The following ZNF638 variants were observed in gnomAD, a reference collection of about 807,000 sequenced individuals.
ZNF638 encodes CTCL tumor antigen se33-1.
ZNF638 carries 46 observed loss-of-function variants against 195.6 expected under a neutral mutation model. The ratio of observed to expected loss-of-function variants is 0.24; its 90% CI spans 0.19 to 0.30. The LOEUF (loss-of-function observed/expected upper bound fraction) is 0.30, where lower values mean the gene tolerates loss of function less well. ZNF638 is among the 10% of genes least tolerant of loss of function. The pLI is 1.00. For synonymous variants in ZNF638, 845 were observed against 772.0 expected (o/e 1.09, Z -1.57); for missense variants, 2,440 against 2,325.3 (o/e 1.05, Z -1.01).
intron 21 of ZNF638, among the ~76,000 whole-genome samples, chr2:71,419,966 C>CT (rs1220510132): frequency 6.7e-5 from 4 of 59,546 alleles, no homozygotes; most frequent in South Asian, 6.1e-4. Context: ...ATTCCCACCC[C>CT]CCCCCGCCTT....
At position 71,349,748 on chromosome 2, in the gene ZNF638, T is replaced by C; in HGVS notation, c.794T>C (p.Val265Ala). 6.2e-7 allele frequency: 1 copy of C among 1,614,220 alleles called. No homozygotes were observed. The highest frequency in any genetic ancestry group is 1.1e-5 in the South Asian group (1 of 91,086). The change falls in exon 2 of 28, where the codon GTT (valine) becomes GCT (alanine). Residue 265 changes from valine (V) to alanine (A), a missense_variant. Transcript: ENST00000264447. ...GTGATATGTAATTCTATGTTTCCTGTTGAAGACGTATTTCGCCAAATGGAC... is the reference window on the plus strand; with the variant it reads ...GTGATATGTAATTCTATGTTTCCTGCTGAAGACGTATTTCGCCAAATGGAC... ...PNVICNSMFP[V>A]EDVFRQMDFP... is the part of the protein sequence containing the mutation.
At chr2:71,408,839 A>G in intron 20 of ZNF638, 1 of 286,068 alleles carries the variant, frequency 3.5e-6, no homozygotes, top group East Asian at 1.2e-4. Flanking sequence ...AAAATCTTGC[A>G]CTATCTAAAG....
At position 71,396,259 on chromosome 2, in the gene ZNF638, A is replaced by G. The variant is rs1325725041; in HGVS notation, c.2428+68A>G. Reference sequence around the variant, plus strand: ...TTAATGTATTTTAAAATCGTATGGCAGTAGTAGTCTTGGATTTCACATGAC... The same window carrying G: ...TTAATGTATTTTAAAATCGTATGGCGGTAGTAGTCTTGGATTTCACATGAC... On this transcript the variant is annotated intron_variant, in intron 11 of 27. Transcript: ENST00000264447. 3.1e-6 allele frequency: 4 copies of G among 1,307,090 alleles called. No homozygotes were observed. The African/African-American group carries it at 5.9e-5, about 19-fold the overall frequency. 81.0% of individuals were successfully genotyped at this position (1,307,090 alleles called of 1,614,324 possible).
intron 8 of ZNF638, among the ~76,000 whole-genome samples, chr2:71,378,102 C>T (rs750363246): frequency 9.2e-5 from 14 of 151,970 alleles, no homozygotes; most frequent in Admixed American, 3.3e-4. Context: ...AAAATGTTGG[C>T]GGTGAACAAT....
At chr2:71,402,192 A>G in intron 16 of ZNF638, 105 bp downstream of exon 16, 4 of 1,220,020 alleles carry the variant, frequency 3.3e-6, no homozygotes, top group Non-Finnish European at 4.5e-6. Flanking sequence ...CAGTATCTCA[A>G]AGTAAACTTT....
At chr2:71,370,606 G>T (rs1204999676) in intron 8 of ZNF638, among the ~76,000 whole-genome samples, 1 of 152,102 alleles carries the variant, frequency 6.6e-6, no homozygotes, top group East Asian at 1.9e-4. Flanking sequence ...TATCTCACCT[G>T]TAAGGTTTTC....
chr2:71,369,269 C>A (rs545157279), intron 7 of ZNF638, among the ~76,000 whole-genome samples: 1 of 146,288 alleles, frequency 6.8e-6, no homozygotes, highest in South Asian at 2.1e-4. Flanking sequence ...GTTGCAGTGA[C>A]TAGAGATGGC....
chr2:71,395,617 C>G (rs1294935448), intron 10 of ZNF638: 1 of 566,828 alleles, frequency 1.8e-6, no homozygotes, highest in African/African-American at 1.9e-5. Context: ...GTGACAATTA[C>G]CTACAGATTG....
At chr2:71,333,832 G>A (rs1186059524) in intron 1 of ZNF638, among the ~76,000 whole-genome samples, 3 of 152,206 alleles carry the variant, frequency 2.0e-5, no homozygotes, top group Non-Finnish European at 4.4e-5. Context: ...AAGTGAGACA[G>A]TGTATGGAAA....
At chr2:71,357,433 G>T (rs1185831391) in intron 3 of ZNF638, among the ~76,000 whole-genome samples, 1 of 152,100 alleles carries the variant, frequency 6.6e-6, no homozygotes, top group Non-Finnish European at 1.5e-5. Flanking sequence ...AATTAGATAC[G>T]CCTTACTGCC....
chr2:71,432,790 T>C (rs57967760), intron 26 of ZNF638, among the ~76,000 whole-genome samples: 5,200 of 152,296 alleles, frequency 0.034, 171 homozygotes, highest in African/African-American at 0.089. Flanking sequence ...ATTTTTGTCG[T>C]GTTTAAATTG....
chr2:71,377,243 A>T (rs2079447665), intron 8 of ZNF638, among the ~76,000 whole-genome samples: 1 of 152,034 alleles, frequency 6.6e-6, no homozygotes, highest in African/African-American at 2.4e-5. Context: ...AACAAAAGGG[A>T]GCTGGGGGAT....
Position 71,411,474 on chromosome 2 carries a change from A to ATT in ZNF638, c.3261+3239_3261+3240dup, listed in dbSNP as rs537942317. Among the ~76,000 whole-genome samples, 562 of 122,730 alleles carry ATT rather than the reference A, an allele frequency of 4.6e-3. 5 individuals carry two copies. Among genetic ancestry groups the ATT allele is most frequent in the African/African-American group, 0.012 (416 of 33,288 alleles). 80.5% of individuals were successfully genotyped at this position (122,730 alleles called of 152,430 possible). A position where few individuals can be genotyped will look rare whatever the true frequency, so the allele number is the denominator to read the frequency against. ...ATTTATTTTTTATTTTTTATTTTTA[A>ATT]TTTTTTTTTTTTTATTATACTCTAA... On this transcript the variant is annotated intron_variant, in intron 20 of 27. Coordinates refer to ENST00000264447, the MANE Select transcript of ZNF638 (RefSeq NM_014497.5).
rs771601449 is a variant in ZNF638, at chr2:71,395,206, A to G, written c.2378-935A>G. On this transcript the variant is annotated intron_variant, in intron 10 of 27. Coordinates refer to ENST00000264447, the MANE Select transcript of ZNF638 (RefSeq NM_014497.5). ...TCCTTGATTGGAAAAAAATATTACT[A>G]ATTATACTCATGTTTGTCTTATGTT... 7.0e-6 allele frequency: 5 copies of G among 716,952 alleles called. No homozygotes were observed. The African/African-American group carries it at 7.0e-5, about 10-fold the overall frequency. The allele number at this position is 716,952 out of a possible 1,614,324, so 44.4% of individuals were successfully genotyped here.
At position 71,400,237 on chromosome 2, in the gene ZNF638, C is replaced by T. The variant is rs1359041774; in HGVS notation, c.2656+57C>T. 5 of 1,353,974 alleles carry T rather than the reference C, an allele frequency of 3.7e-6. No homozygotes were observed. The East Asian group carries it at 1.2e-4, about 32-fold the overall frequency. 83.9% of individuals were successfully genotyped at this position (1,353,974 alleles called of 1,614,324 possible). A position where few individuals can be genotyped will look rare whatever the true frequency, so the allele number is the denominator to read the frequency against. Reference sequence around the variant, plus strand: ...ACTTATTTTAATTACCAATGCCATACCTAAGTGAAATTAAGAGTATTACGA... The same window carrying T: ...ACTTATTTTAATTACCAATGCCATATCTAAGTGAAATTAAGAGTATTACGA... On this transcript the variant is annotated intron_variant, in intron 14 of 27. Coordinates refer to ENST00000264447, the MANE Select transcript of ZNF638 (RefSeq NM_014497.5).
chr2:71,394,721 C>G (rs1016647828), intron 10 of ZNF638, among the ~76,000 whole-genome samples: 6 of 152,206 alleles, frequency 3.9e-5, no homozygotes, highest in African/African-American at 1.4e-4. Flanking sequence ...CCTTTATAGT[C>G]TCAGCCATAG....
intron 2 of ZNF638, among the ~76,000 whole-genome samples, chr2:71,353,503 G>T (rs1265487218): frequency 1.3e-5 from 2 of 152,172 alleles, no homozygotes; most frequent in African/African-American, 2.4e-5. Context: ...GCTGCTTTTG[G>T]ACTATAATGT....
chr2:71,418,840 A>G (rs1487992984), intron 21 of ZNF638, among the ~76,000 whole-genome samples: 1 of 152,116 alleles, frequency 6.6e-6, no homozygotes, highest in Non-Finnish European at 1.5e-5. Context: ...ATTTACTCTC[A>G]TTTAAGTATT....
intron 20 of ZNF638, 24 bp downstream of exon 20, chr2:71,408,271 T>G (rs756825104): frequency 1.2e-5 from 19 of 1,603,018 alleles, no homozygotes; most frequent in Non-Finnish European, 1.4e-5. Flanking sequence ...TTCTTCAGCT[T>G]TTGTGATTTT....
Sources: gnomAD v4.1 joint callset for allele counts (sites outside exome capture counted in the v4.1 genomes callset) on GRCh38, gnomAD v4.1.1 for gene constraint, MANE v1.5 for transcripts, NCBI Gene and HGNC (gene_info 2026-07-23, HGNC 2026-07-21) for gene names.